Variants in FAM20A observed in about 807,000 individuals in gnomAD.
The protein encoded by FAM20A is FAM20A golgi associated secretory pathway pseudokinase.
FAM20A carries 42 observed loss-of-function variants against 52.0 expected under a neutral mutation model. The observed-to-expected ratio is 0.81, with a 90% confidence interval of 0.63 to 1.04. FAM20A has a LOEUF of 1.04. Among genes scored for constraint, FAM20A ranks in the 50% least tolerant of loss-of-function variants. FAM20A has a pLI of 0.00. For missense variants in FAM20A, 742 were observed against 712.7 expected (o/e 1.04, Z -0.47); for synonymous variants, 304 against 298.9 (o/e 1.02, Z -0.18).
intron 1 of FAM20A, among the ~76,000 whole-genome samples, chr17:68,583,029 A>G: frequency 6.6e-6 from 1 of 150,802 alleles, no homozygotes; most frequent in East Asian, 1.9e-4. Flanking sequence ...GCTGGTCTTG[A>G]ACTCCTGACC....
chr17:68,591,360 A>G (rs2088303484), intron 1 of FAM20A, among the ~76,000 whole-genome samples: 1 of 152,068 alleles, frequency 6.6e-6, no homozygotes, highest in Non-Finnish European at 1.5e-5. Context: ...CGGCCTCCCA[A>G]AGTGTTGGGA....
intron 4 of FAM20A, among the ~76,000 whole-genome samples, chr17:68,550,215 T>A (rs969560636): frequency 1.3e-5 from 2 of 152,110 alleles, no homozygotes; most frequent in East Asian, 3.8e-4. Context: ...ACAAAAGCAA[T>A]ATTTCTAAAT....
At chr17:68,555,326 C>T (rs1044395612) in intron 2 of FAM20A, among the ~76,000 whole-genome samples, 1 of 152,210 alleles carries the variant, frequency 6.6e-6, no homozygotes, top group Non-Finnish European at 1.5e-5. Context: ...TAAATGGTAG[C>T]GATCACCTTC....
intron 1 of FAM20A, among the ~76,000 whole-genome samples, chr17:68,588,139 G>T (rs28547465): frequency 1.3e-5 from 2 of 150,032 alleles, no homozygotes; most frequent in East Asian, 3.9e-4. Context: ...AAAAAAAAAA[G>T]GGGGCCCAGA....
intron 1 of FAM20A, among the ~76,000 whole-genome samples, chr17:68,599,714 G>C (rs1034216120): frequency 2.6e-5 from 4 of 152,188 alleles, no homozygotes; most frequent in African/African-American, 9.6e-5. Flanking sequence ...TGACCCCCTT[G>C]TGATCTCTGA....
At chr17:68,541,734 G>C in intron 7 of FAM20A, 1 of 432,036 alleles carries the variant, frequency 2.3e-6, no homozygotes, top group Admixed American at 3.7e-5. Flanking sequence ...CTCAAGGAGA[G>C]AGTCTGAGTC....
At chr17:68,541,351 C>T (rs1245272433) in intron 7 of FAM20A, 1 of 250,696 alleles carries the variant, frequency 4.0e-6, no homozygotes, top group African/African-American at 2.2e-5. Context: ...TTCTCTCTCA[C>T]ACATGGTTTT....
intron 3 of FAM20A, among the ~76,000 whole-genome samples, chr17:68,553,757 C>CAT (rs1420790921): frequency 2.1e-5 from 3 of 144,746 alleles, no homozygotes; most frequent in Non-Finnish European, 3.0e-5. Flanking sequence ...CATATATATA[C>CAT]ATATATATAC....
intron 3 of FAM20A, among the ~76,000 whole-genome samples, chr17:68,552,242 GA>G (rs1053172976): frequency 4.0e-4 from 56 of 141,722 alleles, no homozygotes; most frequent in African/African-American, 9.3e-4. Context: ...CCTCCATTTT[GA>G]AAAAAAAAAA....
chr17:68,591,230 C>G (rs1359190425), intron 1 of FAM20A, among the ~76,000 whole-genome samples: 1 of 152,162 alleles, frequency 6.6e-6, no homozygotes, highest in Non-Finnish European at 1.5e-5. Flanking sequence ...CCTCAGCCTC[C>G]CGAGTAGCTG....
At chr17:68,593,129 A>G (rs756284381) in intron 1 of FAM20A, among the ~76,000 whole-genome samples, 9 of 152,242 alleles carry the variant, frequency 5.9e-5, no homozygotes, top group Non-Finnish European at 8.8e-5. Context: ...GCCTGCCTAT[A>G]ATAACAGGTA....
At chr17:68,572,396 A>G (rs1405234756) in intron 1 of FAM20A, among the ~76,000 whole-genome samples, 2 of 152,180 alleles carry the variant, frequency 1.3e-5, no homozygotes, top group Non-Finnish European at 2.9e-5. Context: ...GAGCACTTTC[A>G]GAGACATTAA....
chr17:68,537,450 T>C lies in FAM20A; in HGVS notation c.*27A>G. ...GTCGACTGCTCTGGCTCCAGGCGTA[T>C]TTTCTGAAACTGGACTCTGCCAGCC... On this transcript the variant is annotated 3_prime_UTR_variant, in exon 11 of 11. Transcript: ENST00000592554. This position sits in a 1 kb window ranked among gnomAD's most constrained non-coding sequence, Gnocchi z 4.2. 6.2e-7 allele frequency: 1 copy of C among 1,613,916 alleles called. No homozygotes were observed. The highest frequency in any genetic ancestry group is 8.5e-7 in the Non-Finnish European group (1 of 1,179,962).
intron 1 of FAM20A, among the ~76,000 whole-genome samples, chr17:68,556,393 G>A (rs768750744): frequency 4.6e-5 from 7 of 152,194 alleles, no homozygotes; most frequent in Non-Finnish European, 5.9e-5. Context: ...GAGACAAGTT[G>A]TATGTTTATG....
chr17:68,567,672 C>G (rs2087416696), intron 1 of FAM20A, among the ~76,000 whole-genome samples: 1 of 152,010 alleles, frequency 6.6e-6, no homozygotes, highest in African/African-American at 2.4e-5. Context: ...TGCATTGAAG[C>G]AAAGGAGCTG....
At position 68,578,979 on chromosome 17, in the gene FAM20A, C is replaced by T. The variant is rs533200756; in HGVS notation, c.404+21284G>A. Among the ~76,000 whole-genome samples the T allele has an allele frequency of 8.0e-5, 12 of 149,196 alleles. No individual in the cohort carries two copies. In the East Asian group the frequency reaches 2.2e-3, roughly 27 times the overall value. ...GCAATGAGCAGAGATCGCGCCACTGCACTCCAGCCTGGTGACAGAGCGAGA... is the reference window on the plus strand; with the variant it reads ...GCAATGAGCAGAGATCGCGCCACTGTACTCCAGCCTGGTGACAGAGCGAGA... On this transcript the variant is annotated intron_variant, in intron 1 of 10. Transcript: ENST00000592554.
intron 1 of FAM20A, among the ~76,000 whole-genome samples, chr17:68,581,360 T>TTCTTTCTTTCTTTCTTTC (rs1230880530): frequency 7.9e-6 from 1 of 126,924 alleles, no homozygotes; most frequent in East Asian, 2.2e-4. Flanking sequence ...TTTTCTTTCT[T>TTCTTTCTTTCTTTCTTTC]TCTTTCTTTC....
chr17:68,554,545 G>A (rs1600578090), intron 3 of FAM20A, among the ~76,000 whole-genome samples: 1 of 152,216 alleles, frequency 6.6e-6, no homozygotes, highest in Admixed American at 6.5e-5. Context: ...CCTCAGTGAT[G>A]TTGATGATGC....
chr17:68,543,609 T>G lies in FAM20A; in HGVS notation c.812+20A>C. 6.2e-7 allele frequency: 1 copy of G among 1,611,998 alleles called. No individual in the cohort carries two copies. Among genetic ancestry groups the G allele is most frequent in the Non-Finnish European group, 8.5e-7 (1 of 1,178,046 alleles). On this transcript the variant is annotated intron_variant, in intron 5 of 10. Coordinates refer to ENST00000592554, the MANE Select transcript of FAM20A (RefSeq NM_017565.4). ...ATTGGTCCTTATAGGCAATGCCATCTCCATGGGGCCAGACCCTACCTGTCC... is the reference window on the plus strand; with the variant it reads ...ATTGGTCCTTATAGGCAATGCCATCGCCATGGGGCCAGACCCTACCTGTCC...
Sources: gnomAD v4.1 joint callset for allele counts (sites outside exome capture counted in the v4.1 genomes callset) on GRCh38, gnomAD v4.1.1 for gene constraint, Gnocchi (gnomAD v3.1) non-coding constraint, MANE v1.5 for transcripts, NCBI Gene and HGNC (gene_info 2026-07-23, HGNC 2026-07-21) for gene names.